Variants in ASB2 observed in about 807,000 individuals in gnomAD.
ASB2 encodes ankyrin repeat and SOCS box protein 2.
In ASB2, 58 loss-of-function variants were observed where a neutral mutation model predicts 62.4. The ratio of observed to expected loss-of-function variants is 0.93; its 90% CI spans 0.75 to 1.16. ASB2 has a LOEUF of 1.16. ASB2 is among the 50% of genes most tolerant of loss of function. The probability of loss-of-function intolerance (pLI) is 0.00; values close to 1 mark genes in which losing one functional copy is unlikely to be tolerated. For missense variants in ASB2, 928 were observed against 887.9 expected (o/e 1.05, Z -0.57); for synonymous variants, 386 against 385.3 (o/e 1.00, Z -0.02).
chr14:93,960,585 T>C (rs1290922012), intron 2 of ASB2, among the ~76,000 whole-genome samples: 1 of 152,230 alleles, frequency 6.6e-6, no homozygotes, highest in Non-Finnish European at 1.5e-5. Flanking sequence ...CCTTGGGCTC[T>C]GCACTTCATG....
At chr14:93,959,213 G>C (rs952472902) in intron 2 of ASB2, among the ~76,000 whole-genome samples, 28 of 152,218 alleles carry the variant, frequency 1.8e-4, no homozygotes, top group Admixed American at 1.2e-3. Flanking sequence ...TGGTGATGCA[G>C]CTCATTAAAA....
intron 4 of ASB2, chr14:93,954,102 C>T (rs1246013959): frequency 3.4e-6 from 2 of 581,988 alleles, no homozygotes; most frequent in African/African-American, 3.8e-5. Context: ...GAATTAGGCT[C>T]TCCTGTCCTT....
intron 1 of ASB2, among the ~76,000 whole-genome samples, chr14:93,975,414 C>A (rs1470843944): frequency 6.6e-6 from 1 of 152,232 alleles, no homozygotes; most frequent in African/African-American, 2.4e-5. Context: ...GAAAATGATT[C>A]TCCACCTAGA....
chr14:93,957,058 T>C, intron 2 of ASB2, 188 bp from the exon 3 acceptor site: 1 of 1,472,838 alleles, frequency 6.8e-7, no homozygotes, highest in Non-Finnish European at 9.0e-7. Flanking sequence ...GTCTCCGGAT[T>C]ATTTTTGGCC....
chr14:93,939,007 A>G (rs895593411), intron 8 of ASB2, 101 bp downstream of exon 8: 4 of 1,077,344 alleles, frequency 3.7e-6, no homozygotes, highest in Non-Finnish European at 5.0e-6. Context: ...GCTGCTCCCA[A>G]GGAGCGCGAA....
At position 93,941,883 on chromosome 14, in the gene ASB2, C is replaced by T. The variant is rs190878802; in HGVS notation, c.1053-2211G>A. Among the ~76,000 whole-genome samples the T allele has an allele frequency of 7.9e-4, 120 of 152,348 alleles. 3 individuals are homozygous for T. The highest frequency in any genetic ancestry group is 7.5e-3 in the South Asian group (36 of 4,828). On this transcript the variant is annotated intron_variant, in intron 7 of 9. Transcript: ENST00000555019. Reference sequence around the variant, plus strand: ...TGCCAATCAGAAAGTGAATGTGTAACGCCGGACAGGCTCTGGAGATCAGTG... The same window carrying T: ...TGCCAATCAGAAAGTGAATGTGTAATGCCGGACAGGCTCTGGAGATCAGTG...
chr14:93,942,553 T>C (rs1246876173), intron 7 of ASB2, among the ~76,000 whole-genome samples: 3 of 152,212 alleles, frequency 2.0e-5, no homozygotes, highest in African/African-American at 7.2e-5. Flanking sequence ...GGGCTCCCAC[T>C]CCAGGATTCT....
chr14:93,941,691 CAGTG>C, intron 7 of ASB2: 1 of 456,106 alleles, frequency 2.2e-6, no homozygotes, highest in East Asian at 7.0e-5. Flanking sequence ...CGGGAAAGAA[CAGTG>C]AGAGGGGCTG....
At chr14:93,936,153 G>A (rs1249216388) in intron 9 of ASB2, among the ~76,000 whole-genome samples, 1 of 152,218 alleles carries the variant, frequency 6.6e-6, no homozygotes, top group Non-Finnish European at 1.5e-5. Context: ...GGCTGGGCTG[G>A]CCAATCCATG....
intron 7 of ASB2, chr14:93,941,663 C>T (rs1288440991): frequency 2.2e-6 from 1 of 456,012 alleles, no homozygotes; most frequent in Non-Finnish European, 4.4e-6. Context: ...CTGCTAACAG[C>T]TGTAACGTGC....
At chr14:93,942,268 T>TG (rs1189053234) in intron 7 of ASB2, 1 of 455,986 alleles carries the variant, frequency 2.2e-6, no homozygotes, top group Non-Finnish European at 4.4e-6. Flanking sequence ...AGGTGACTAT[T>TG]GTCTGATAGA....
chr14:93,939,268 A>G lies in ASB2; in HGVS notation c.1457T>C (p.Met486Thr), dbSNP rs370430432. 2.4e-5 allele frequency: 38 copies of G among 1,609,874 alleles called. No individual in the cohort carries two copies. The highest frequency in any genetic ancestry group is 3.1e-5 in the Non-Finnish European group (36 of 1,177,218). Residue 486 changes from methionine to threonine, a missense_variant, in exon 8 of 10, where the codon ATG becomes ACG. Transcript: ENST00000555019. ...TAFPATIMFA[M>T]KCLSLLKFLM... is the part of the protein sequence containing the mutation. ...GAACTTGAGCAGCGACAGGCACTTC[A>G]TGGCGAACATGATGGTGGCGGGGAA...
At chr14:93,969,592 G>A (rs1405880975) in intron 1 of ASB2, among the ~76,000 whole-genome samples, 7 of 152,170 alleles carry the variant, frequency 4.6e-5, no homozygotes, top group Non-Finnish European at 8.8e-5. Context: ...CTTGGAGGGA[G>A]GCCAGCAGCC....
chr14:93,968,690 G>A (rs567747300), intron 1 of ASB2, among the ~76,000 whole-genome samples: 61 of 152,338 alleles, frequency 4.0e-4, no homozygotes, highest in Non-Finnish European at 5.6e-4. Context: ...AGAGGGAGGA[G>A]AAGGGTTTAA....
At chr14:93,945,580 A>T (rs1051062298) in intron 7 of ASB2, among the ~76,000 whole-genome samples, 3 of 152,212 alleles carry the variant, frequency 2.0e-5, no homozygotes, top group Admixed American at 2.0e-4. Context: ...AGGCTCAGCA[A>T]GGTTAAGCAA....
intron 2 of ASB2, among the ~76,000 whole-genome samples, chr14:93,961,802 C>T (rs1167872865): frequency 6.6e-6 from 1 of 152,154 alleles, no homozygotes; most frequent in East Asian, 1.9e-4. Flanking sequence ...ATTTGGGGAC[C>T]CTGGGCCTCT....
intron 6 of ASB2, among the ~76,000 whole-genome samples, chr14:93,948,760 C>T (rs1474388755): frequency 1.3e-5 from 2 of 152,242 alleles, no homozygotes; most frequent in African/African-American, 4.8e-5. Context: ...TAATGAGACT[C>T]TGTTCTCTAC....
intron 2 of ASB2, among the ~76,000 whole-genome samples, chr14:93,958,845 C>T (rs573667107): frequency 6.6e-6 from 1 of 152,312 alleles, no homozygotes; most frequent in Non-Finnish European, 1.5e-5. Flanking sequence ...GCATGTGTGG[C>T]CTCCAGTTAC....
At chr14:93,975,624 C>T (rs1174472814) in intron 1 of ASB2, among the ~76,000 whole-genome samples, 1 of 152,178 alleles carries the variant, frequency 6.6e-6, no homozygotes, top group Admixed American at 6.5e-5. Flanking sequence ...GGATGTGCCT[C>T]TCCCTCTGGC....
Sources: gnomAD v4.1 joint callset for allele counts (sites outside exome capture counted in the v4.1 genomes callset) on GRCh38, gnomAD v4.1.1 for gene constraint, MANE v1.5 for transcripts, NCBI Gene and HGNC (gene_info 2026-07-23, HGNC 2026-07-21) for gene names.